AKAP13: variants seen among roughly 807,000 people sequenced by gnomAD.
The protein encoded by AKAP13 is A-kinase anchor protein 13.
In AKAP13, 80 loss-of-function variants were observed where a neutral mutation model predicts 264.5. That is an observed-to-expected ratio of 0.30 (90% CI 0.25 to 0.36). The LOEUF (loss-of-function observed/expected upper bound fraction) is 0.36, where lower values mean the gene tolerates loss of function less well. Ranked by LOEUF, AKAP13 falls within the 10% of genes least tolerant of loss-of-function variation. AKAP13 has a pLI of 1.00. For synonymous variants in AKAP13, 1,380 were observed against 1,250.2 expected (o/e 1.10, Z -2.19); for missense variants, 3,712 against 3,435.2 (o/e 1.08, Z -2.01).
At chr15:85,725,517 G>A (rs1246381863) in intron 26 of AKAP13, among the ~76,000 whole-genome samples, 2 of 152,178 alleles carry the variant, frequency 1.3e-5, no homozygotes, top group African/African-American at 4.8e-5. Context: ...CTAGGAATCA[G>A]ATGTCCTTGC....
chr15:85,690,270 G>A (rs2085205990), intron 16 of AKAP13, among the ~76,000 whole-genome samples: 1 of 152,236 alleles, frequency 6.6e-6, no homozygotes, highest in Non-Finnish European at 1.5e-5. Context: ...CAAGGCTTGA[G>A]AGGATAAGCT....
intron 11 of AKAP13, among the ~76,000 whole-genome samples, chr15:85,657,566 A>G (rs1386057047): frequency 1.3e-5 from 2 of 152,236 alleles, no homozygotes; most frequent in African/African-American, 2.4e-5. Flanking sequence ...TGCCGTTTCT[A>G]TAATTCCATA....
intron 34 of AKAP13, 36 bp downstream of exon 34, chr15:85,740,308 GT>G: frequency 6.2e-7 from 1 of 1,611,912 alleles, no homozygotes; most frequent in Non-Finnish European, 8.5e-7. Context: ...GCGTTTATTT[GT>G]CTAGAGAACA....
intron 12 of AKAP13, 44 bp from the exon 13 acceptor site, chr15:85,664,519 A>C: frequency 6.5e-7 from 1 of 1,542,678 alleles, no homozygotes; most frequent in African/African-American, 1.4e-5. Context: ...TTTGTTTTTG[A>C]GACCCAGAAA....
chr15:85,738,634 C>G (rs945155324), intron 33 of AKAP13, among the ~76,000 whole-genome samples: 3 of 151,540 alleles, frequency 2.0e-5, no homozygotes, highest in Admixed American at 2.0e-4. Context: ...GTCAGGAGAT[C>G]GAGACCATCC....
At chr15:85,725,183 T>G (rs917440506) in intron 26 of AKAP13, among the ~76,000 whole-genome samples, 1 of 152,216 alleles carries the variant, frequency 6.6e-6, no homozygotes, top group Admixed American at 6.5e-5. Flanking sequence ...ACGATAGGTT[T>G]TCTGGCCTAG....
chr15:85,493,408 G>A (rs1037708452), intron 2 of AKAP13, among the ~76,000 whole-genome samples: 12 of 152,200 alleles, frequency 7.9e-5, no homozygotes, highest in African/African-American at 2.9e-4. Flanking sequence ...TGAGTAGCTA[G>A]TGATGTCACC....
At chr15:85,562,089 A>G (rs1002553814) in intron 5 of AKAP13, among the ~76,000 whole-genome samples, 3 of 152,144 alleles carry the variant, frequency 2.0e-5, no homozygotes, top group African/African-American at 7.2e-5. Context: ...AAATTACGGT[A>G]ATAATATTCT....
chr15:85,692,673 C>T (rs2085356012), intron 16 of AKAP13, among the ~76,000 whole-genome samples: 1 of 152,082 alleles, frequency 6.6e-6, no homozygotes, highest in African/African-American at 2.4e-5. Flanking sequence ...ATTTACAAAC[C>T]TTAAAATTCT....
intron 1 of AKAP13, among the ~76,000 whole-genome samples, chr15:85,481,413 C>G (rs1200518959): frequency 6.6e-6 from 1 of 152,144 alleles, no homozygotes; most frequent in Non-Finnish European, 1.5e-5. Flanking sequence ...AAGAGACTTA[C>G]TGTGTGTGGT....
At chr15:85,595,894 G>A (rs967479514) in intron 8 of AKAP13, among the ~76,000 whole-genome samples, 20 of 152,326 alleles carry the variant, frequency 1.3e-4, no homozygotes, top group Admixed American at 1.3e-3. Flanking sequence ...GAAGTATTCA[G>A]TAGTATATGA....
chr15:85,631,502 T>TCTCTCG (rs1372440393), intron 8 of AKAP13, among the ~76,000 whole-genome samples: 1 of 140,958 alleles, frequency 7.1e-6, no homozygotes, highest in African/African-American at 2.7e-5. Context: ...TCTCTCTCTC[T>TCTCTCG]CACACACACA....
chr15:85,627,359 T>C (rs1158555215), intron 8 of AKAP13, among the ~76,000 whole-genome samples: 1 of 152,190 alleles, frequency 6.6e-6, no homozygotes, highest in Non-Finnish European at 1.5e-5. Flanking sequence ...TCTGTGAATT[T>C]TGCCCTTTGT....
intron 2 of AKAP13, among the ~76,000 whole-genome samples, chr15:85,515,428 T>C (rs1271424121): frequency 1.4e-5 from 2 of 138,888 alleles, no homozygotes; most frequent in African/African-American, 2.9e-5. Flanking sequence ...AGAACAAAGG[T>C]GTTCTTTCAT....
chr15:85,744,718 G>T lies in AKAP13; in HGVS notation c.*41G>T. 2 of 1,557,160 alleles carry T rather than the reference G, an allele frequency of 1.3e-6. No homozygotes were observed. The highest frequency in any genetic ancestry group is 1.2e-5 in the South Asian group (1 of 82,492). Reference sequence around the variant, plus strand: ...CTGAGGCAGCTGCCTCCTGATCCTGGCCAGCCCACCTCTCCTGCTGTCCCC... The same window carrying T: ...CTGAGGCAGCTGCCTCCTGATCCTGTCCAGCCCACCTCTCCTGCTGTCCCC... On this transcript the variant is annotated 3_prime_UTR_variant, in exon 37 of 37. Transcript: ENST00000394518.
chr15:85,386,438 C>T (rs2070566036), intron 1 of AKAP13, among the ~76,000 whole-genome samples: 1 of 151,968 alleles, frequency 6.6e-6, no homozygotes, highest in South Asian at 2.1e-4. Context: ...GGATTACAGG[C>T]ACCCACCACC....
At chr15:85,525,267 C>T (rs1353771217) in intron 3 of AKAP13, among the ~76,000 whole-genome samples, 5 of 151,998 alleles carry the variant, frequency 3.3e-5, no homozygotes, top group Non-Finnish European at 7.4e-5. Flanking sequence ...ACCGTGTTAG[C>T]CAGGATGGTC....
chr15:85,679,468 GGC>G (rs961042465), intron 14 of AKAP13, among the ~76,000 whole-genome samples: 10 of 152,154 alleles, frequency 6.6e-5, no homozygotes, highest in African/African-American at 2.4e-4. Context: ...GTTGGTTCAT[GGC>G]CAAATATTAG....
intron 1 of AKAP13, among the ~76,000 whole-genome samples, chr15:85,483,538 A>G (rs1372957118): frequency 6.8e-6 from 1 of 147,234 alleles, no homozygotes; most frequent in Non-Finnish European, 1.5e-5. Context: ...AGGCAGGATA[A>G]TGGCGTGAAC....
Sources: gnomAD v4.1 joint callset for allele counts (sites outside exome capture counted in the v4.1 genomes callset) on GRCh38, gnomAD v4.1.1 for gene constraint, MANE v1.5 for transcripts, NCBI Gene and HGNC (gene_info 2026-07-23, HGNC 2026-07-21) for gene names.